The following TASP1 variants were observed in gnomAD, a reference collection of about 807,000 sequenced individuals.
The protein encoded by TASP1 is taspase 1.
In TASP1, 16 loss-of-function variants were observed where a neutral mutation model predicts 56.6. The ratio of observed to expected loss-of-function variants is 0.28; its 90% CI spans 0.19 to 0.43. The LOEUF is 0.43. Ranked by LOEUF, TASP1 falls within the 20% of genes least tolerant of loss-of-function variation. The probability of loss-of-function intolerance (pLI) is 1.00; values close to 1 mark genes in which losing one functional copy is unlikely to be tolerated. For missense variants in TASP1, 393 were observed against 511.6 expected, an observed-to-expected ratio of 0.77 and a Z score of 2.24; for synonymous variants, 179 against 184.2, an observed-to-expected ratio of 0.97 and a Z score of 0.23.
chr20:13,301,324 G>C, the TASP1 span, among the ~76,000 whole-genome samples: 2 of 152,096 alleles, frequency 1.3e-5, no homozygotes, highest in African/African-American at 4.8e-5. Context: ...GAGTAGCTGG[G>C]ATTACAGGCA....
chr20:13,606,141 G>T (rs1188628912), intron 4 of TASP1, among the ~76,000 whole-genome samples: 1 of 151,400 alleles, frequency 6.6e-6, no homozygotes, highest in Non-Finnish European at 1.5e-5. Context: ...GCGTGCGTGT[G>T]TGTGTGTGTG....
At chr20:13,384,013 A>G in the TASP1 span, among the ~76,000 whole-genome samples, 9 of 152,162 alleles carry the variant, frequency 5.9e-5, no homozygotes, top group Non-Finnish European at 1.2e-4. Context: ...GGAAAGATTA[A>G]AATCTTACTA....
the TASP1 span, among the ~76,000 whole-genome samples, chr20:13,230,122 T>A: frequency 1.3e-5 from 2 of 152,210 alleles, no homozygotes; most frequent in African/African-American, 2.4e-5. Context: ...TGTCTATTCA[T>A]TTGGTCAAGA....
the TASP1 span, among the ~76,000 whole-genome samples, chr20:13,280,071 AT>A: frequency 6.6e-6 from 1 of 152,118 alleles, no homozygotes; most frequent in East Asian, 1.9e-4. Context: ...CAGCAGCCAC[AT>A]TTTTCTGGAA....
At chr20:13,131,659 C>T in the TASP1 span, among the ~76,000 whole-genome samples, 2 of 152,188 alleles carry the variant, frequency 1.3e-5, no homozygotes, top group African/African-American at 2.4e-5. Flanking sequence ...GGTCACTTCT[C>T]ACACAGCCAA....
chr20:13,626,853 T>C (rs2048910117), intron 2 of TASP1, among the ~76,000 whole-genome samples: 1 of 152,030 alleles, frequency 6.6e-6, no homozygotes, highest in Admixed American at 6.6e-5. Flanking sequence ...GGGCATTTAA[T>C]AGCCTTAACA....
At chr20:13,273,840 G>T in the TASP1 span, among the ~76,000 whole-genome samples, 66,439 of 151,766 alleles carry the variant, frequency 0.44, 16,998 homozygotes, top group African/African-American at 0.72. Flanking sequence ...AATCCCTATC[G>T]GTTAATTTTC....
chr20:13,267,433 G>A, the TASP1 span, among the ~76,000 whole-genome samples: 1 of 152,192 alleles, frequency 6.6e-6, no homozygotes. Flanking sequence ...GAACTGCCCA[G>A]CCAGTGACCC....
the TASP1 span, among the ~76,000 whole-genome samples, chr20:13,149,578 T>C: frequency 1.2e-4 from 18 of 152,352 alleles, no homozygotes; most frequent in Non-Finnish European, 2.4e-4. Context: ...AAGGCATTTG[T>C]AGTAACCTAT....
chr20:13,161,258 C>T, the TASP1 span, among the ~76,000 whole-genome samples: 1 of 152,134 alleles, frequency 6.6e-6, no homozygotes, highest in Non-Finnish European at 1.5e-5. Context: ...ATAAGGTATA[C>T]AGTAAGGAAC....
At chr20:13,601,389 G>A (rs539931852) in intron 4 of TASP1, among the ~76,000 whole-genome samples, 1 of 152,174 alleles carries the variant, frequency 6.6e-6, no homozygotes, top group East Asian at 1.9e-4. Context: ...GGGCCACAAG[G>A]GCCAACTGAA....
At chr20:13,313,024 A>G in the TASP1 span, among the ~76,000 whole-genome samples, 4 of 152,246 alleles carry the variant, frequency 2.6e-5, 1 homozygote, top group South Asian at 8.3e-4. Flanking sequence ...TCCAAATTCT[A>G]GCAGGTCCCC....
intron 10 of TASP1, among the ~76,000 whole-genome samples, chr20:13,515,167 T>G (rs2044475461): frequency 1.3e-5 from 2 of 152,078 alleles, no homozygotes; most frequent in Non-Finnish European, 2.9e-5. Flanking sequence ...CATAAGAGTC[T>G]AAAAACATAA....
At chr20:13,555,442 C>T (rs1272061354) in intron 8 of TASP1, among the ~76,000 whole-genome samples, 1 of 150,138 alleles carries the variant, frequency 6.7e-6, no homozygotes, top group Non-Finnish European at 1.5e-5. Context: ...ATACTTTCAG[C>T]ATCTTCATCC....
rs1209096446 is a variant in TASP1, at chr20:13,559,002, C to T, written c.675+6G>A. ...ATTAATTTGAATATTTCAAACACCACCTGACCTTCTCACTTGATTGTCTTC... is the reference window on the plus strand; with the variant it reads ...ATTAATTTGAATATTTCAAACACCATCTGACCTTCTCACTTGATTGTCTTC... On this transcript the variant is annotated splice_donor_region_variant and intron_variant, in intron 8 of 13. Coordinates refer to ENST00000337743, the MANE Select transcript of TASP1 (RefSeq NM_017714.3). 1 of 1,556,450 alleles carries T rather than the reference C, an allele frequency of 6.4e-7. No individual in the cohort carries two copies. The highest frequency in any genetic ancestry group is 1.4e-5 in the African/African-American group (1 of 72,938).
the TASP1 span, among the ~76,000 whole-genome samples, chr20:13,226,253 T>C: frequency 1.3e-5 from 2 of 152,238 alleles, no homozygotes. Flanking sequence ...GCTTCTTGTA[T>C]TCACTGCTTT....
At chr20:13,533,984 C>T in intron 9 of TASP1, 38 bp downstream of exon 9, 1 of 1,577,510 alleles carries the variant, frequency 6.3e-7, no homozygotes, top group East Asian at 2.3e-5. Context: ...CCATGCTTTA[C>T]TTTGAAAGGC....
chr20:13,451,718 T>C (rs1026240735), intron 11 of TASP1, among the ~76,000 whole-genome samples: 2 of 152,084 alleles, frequency 1.3e-5, no homozygotes, highest in African/African-American at 2.4e-5. Context: ...TTCACTTCCT[T>C]ATCATCTGTG....
chr20:13,523,612 A>T (rs1307151133), intron 10 of TASP1, among the ~76,000 whole-genome samples: 1 of 152,110 alleles, frequency 6.6e-6, no homozygotes, highest in African/African-American at 2.4e-5. Flanking sequence ...AGAAATATTG[A>T]GGCATAAGGC....
Sources: gnomAD v4.1 joint callset for allele counts (sites outside exome capture counted in the v4.1 genomes callset) on GRCh38, gnomAD v4.1.1 for gene constraint, MANE v1.5 for transcripts, NCBI Gene and HGNC (gene_info 2026-07-23, HGNC 2026-07-21) for gene names.